Variants in CHD5 observed in about 807,000 individuals in gnomAD.
CHD5 encodes ATP-dependent chromatin remodeler CHD5.
In CHD5, 69 loss-of-function variants were observed where a neutral mutation model predicts 230.3. The observed-to-expected ratio is 0.30, with a 90% CI of 0.25 to 0.37. The LOEUF is 0.37. Ranked by LOEUF, CHD5 falls within the 10% of genes least tolerant of loss-of-function variation. The pLI is 1.00. For missense variants in CHD5, 1,827 were observed against 2,622.8 expected (o/e 0.70, Z 6.63); for synonymous variants, 1,064 against 1,065.9 (o/e 1.00, Z 0.03).
intron 31 of CHD5, among the ~76,000 whole-genome samples, chr1:6,122,214 G>T (rs1009053938): frequency 6.6e-6 from 1 of 152,180 alleles, no homozygotes; most frequent in Admixed American, 6.5e-5. Context: ...AGCTATGTCC[G>T]CCCCAGGCCT....
intron 5 of CHD5, among the ~76,000 whole-genome samples, chr1:6,153,081 G>A (rs1284074061): frequency 6.6e-6 from 1 of 152,214 alleles, no homozygotes; most frequent in Non-Finnish European, 1.5e-5. Context: ...GCTACCTGGG[G>A]AGTAATGACC....
intron 38 of CHD5, among the ~76,000 whole-genome samples, chr1:6,107,893 G>A (rs1233935949): frequency 1.5e-5 from 2 of 136,966 alleles, no homozygotes; most frequent in African/African-American, 2.7e-5. Flanking sequence ...GGGGTGGAAG[G>A]ATGGAGAGAT....
chr1:6,112,185 C>T lies in CHD5; in HGVS notation c.5095G>A (p.Gly1699Arg), dbSNP rs1227521432. ...DDEGKKEDKK[G>R]KFKFMFNIAD... ...ATGTTGAACATGAACTTGAATTTCCCCTTCTTGTCCTCCTTCTTCCCCTCG... is the reference window on the plus strand; with the variant it reads ...ATGTTGAACATGAACTTGAATTTCCTCTTCTTGTCCTCCTTCTTCCCCTCG... The change falls in exon 35 of 42, where the codon GGG (glycine) becomes AGG (arginine). Residue 1699 changes from glycine (G) to arginine (R), a missense_variant. Gly to Arg is a moderately radical substitution (Grantham distance 125, BLOSUM62 -2). Transcript: ENST00000262450. 1.2e-6 allele frequency: 2 copies of T among 1,614,088 alleles called. No homozygotes were observed. Among genetic ancestry groups the T allele is most frequent in the African/African-American group, 2.7e-5 (2 of 74,934 alleles).
rs1205380137 is a variant in CHD5, at chr1:6,146,148, G to A, written c.1802+64C>T. Reference sequence around the variant, plus strand: ...CACCCTGCGCTGCACCCATTTTACAGGGCAAAGAAGCTGACGTGGCCCGGC... The same window carrying A: ...CACCCTGCGCTGCACCCATTTTACAAGGCAAAGAAGCTGACGTGGCCCGGC... On this transcript the variant is annotated intron_variant, in intron 11 of 41. Transcript: ENST00000262450. The surrounding 1 kb of genome is among the most constrained non-coding windows in gnomAD (Gnocchi z 5.1). 15 of 1,535,276 alleles carry A rather than the reference G, an allele frequency of 9.8e-6. No individual in the cohort carries two copies. The highest frequency in any genetic ancestry group is 4.5e-5 in the East Asian group (2 of 44,516).
At chr1:6,109,547 C>T (rs1666251672) in intron 38 of CHD5, among the ~76,000 whole-genome samples, 1 of 152,202 alleles carries the variant, frequency 6.6e-6, no homozygotes, top group Non-Finnish European at 1.5e-5. Flanking sequence ...GTCACTAGCC[C>T]GGGCCGGGGC....
chr1:6,143,876 T>G lies in CHD5; in HGVS notation c.1990A>C (p.Lys664Gln). The change falls in exon 13 of 42, where the codon AAG (lysine) becomes CAG (glutamine). Residue 664 changes from lysine to glutamine, a missense_variant. Coordinates refer to ENST00000262450, the MANE Select transcript of CHD5 (RefSeq NM_015557.3). ...TCCTGCTTGTCGTCCCTCAGCTTCT[T>G]GCCCTTCTTGAGCAGCCTCTTGGGC... ...RLPKRLLKKG[K>Q]KLRDDKQEKP... The G allele has an allele frequency of 6.2e-7, 1 of 1,613,824 alleles. No homozygotes were observed. The highest frequency in any genetic ancestry group is 1.1e-5 in the South Asian group (1 of 91,056).
At position 6,125,191 on chromosome 1, in the gene CHD5, C is replaced by T. The variant is rs1449170317; in HGVS notation, c.4303G>A (p.Ala1435Thr). ...GGGGGCATGCCCCAGCGCATGATGG[C>T]GTTCAGAAAGGCCTTCCGCTGTCGG... ...NARQRKAFLN[A>T]IMRWGMPPQD... The change falls in exon 29 of 42, where the codon GCC becomes ACC. Residue 1435 changes from alanine to threonine, a missense_variant. Around this residue, in one of 14 missense-constraint regions of CHD5, gnomAD observed 108 missense variants for 152.4 expected, o/e 0.71. Coordinates refer to ENST00000262450, the MANE Select transcript of CHD5 (RefSeq NM_015557.3). This position sits in a 1 kb window ranked among gnomAD's most constrained non-coding sequence, Gnocchi z 6.7. 3 of 1,607,028 alleles carry T rather than the reference C, an allele frequency of 1.9e-6. No individual in the cohort carries two copies. Among genetic ancestry groups the T allele is most frequent in the Non-Finnish European group, 1.7e-6 (2 of 1,178,218 alleles).
chr1:6,109,835 G>A lies in CHD5; in HGVS notation c.5538C>T (p.Ser1846=). 1 of 1,612,870 alleles carries A rather than the reference G, an allele frequency of 6.2e-7. No homozygotes were observed. The highest frequency in any genetic ancestry group is 8.5e-7 in the Non-Finnish European group (1 of 1,179,762). ...AESHQHLSKE[S]LAGNKPANAV... ...CATTGGCAGGCTTGTTCCCAGCAAGGGACTCCTTGGACAGGTGCTGGTGGC... is the reference window on the plus strand; with the variant it reads ...CATTGGCAGGCTTGTTCCCAGCAAGAGACTCCTTGGACAGGTGCTGGTGGC... The change falls in exon 38 of 42, where the codon TCC becomes TCT. Residue 1846 remains serine (S), a synonymous_variant. Transcript: ENST00000262450.
intron 33 of CHD5, among the ~76,000 whole-genome samples, chr1:6,116,879 A>G (rs1339901395): frequency 6.6e-5 from 10 of 152,254 alleles, no homozygotes; most frequent in Non-Finnish European, 8.8e-5. Context: ...AGATCTAAAA[A>G]AGGATTAAAA....
chr1:6,163,139 C>T (rs116303497), intron 2 of CHD5, among the ~76,000 whole-genome samples: 1,931 of 152,332 alleles, frequency 0.013, 58 homozygotes, highest in African/African-American at 0.044. Flanking sequence ...GGCACAGACC[C>T]TCAGCACAGA....
chr1:6,131,450 A>G lies in CHD5; in HGVS notation c.3262+181T>C, dbSNP rs1361686096. ...ACAGGTGTTATCTACTGGGCCCCTC[A>G]GAACTCCGATTCCATGGGAGGAATC... is the stretch of plus-strand genomic sequence containing the variant. On this transcript the variant is annotated intron_variant, in intron 21 of 41. Transcript: ENST00000262450. This position sits in a 1 kb window ranked among gnomAD's most constrained non-coding sequence, Gnocchi z 5.0. Among the ~76,000 whole-genome samples, 1 of 152,212 alleles carries G rather than the reference A, an allele frequency of 6.6e-6. No individual in the cohort carries two copies. Among genetic ancestry groups the G allele is most frequent in the Non-Finnish European group, 1.5e-5 (1 of 68,034 alleles).
Position 6,143,814 on chromosome 1 carries a change from C to G in CHD5, c.2043+9G>C. ...CCCCACCCACTGCTGCCCCACCCTCCCCACTCACGTCCACAATGGGCGTGT... is the reference window on the plus strand; with the variant it reads ...CCCCACCCACTGCTGCCCCACCCTCGCCACTCACGTCCACAATGGGCGTGT... On this transcript the variant is annotated intron_variant, in intron 13 of 41. Transcript: ENST00000262450. The G allele has an allele frequency of 6.2e-7, 1 of 1,608,952 alleles. No homozygotes were observed. The highest frequency in any genetic ancestry group is 8.5e-7 in the Non-Finnish European group (1 of 1,178,570).
rs1666909377 is a variant in CHD5, at chr1:6,146,274, C to T, written c.1740G>A (p.Glu580=). 3 of 1,614,104 alleles carry T rather than the reference C, an allele frequency of 1.9e-6. No homozygotes were observed. Among genetic ancestry groups the T allele is most frequent in the Non-Finnish European group, 2.5e-6 (3 of 1,180,034 alleles). The change falls in exon 11 of 42, where the codon GAG becomes GAA. Residue 580 remains glutamate (E), a synonymous_variant. Transcript: ENST00000262450. The surrounding 1 kb of genome is among the most constrained non-coding windows in gnomAD (Gnocchi z 5.1). ...GCTTGATGCCATAGCGGTAGAAGCG[C>T]TCCTCCATCTTGGCATAGAGGGGGT... ...NKDPLYAKME[E]RFYRYGIKPE...
chr1:6,132,069 C>T (rs962198597), intron 20 of CHD5, among the ~76,000 whole-genome samples: 1 of 151,702 alleles, frequency 6.6e-6, no homozygotes, highest in Non-Finnish European at 1.5e-5. Context: ...GACGAGTGCT[C>T]CTTCACAGCC....
intron 1 of CHD5, among the ~76,000 whole-genome samples, chr1:6,179,084 T>C (rs1045175555): frequency 6.6e-6 from 1 of 152,170 alleles, no homozygotes; most frequent in African/African-American, 2.4e-5. Context: ...AGCAGTTAAC[T>C]AAAGAACTGT....
At chr1:6,133,799 C>T (rs1272019984) in intron 20 of CHD5, among the ~76,000 whole-genome samples, 12 of 152,266 alleles carry the variant, frequency 7.9e-5, no homozygotes, top group Admixed American at 7.8e-4. Flanking sequence ...CTCCTCCCAA[C>T]CACACCCCAG....
intron 1 of CHD5, among the ~76,000 whole-genome samples, chr1:6,170,863 G>C (rs1414895338): frequency 6.6e-6 from 1 of 152,214 alleles, no homozygotes; most frequent in Non-Finnish European, 1.5e-5. Flanking sequence ...CTGGCGGGGA[G>C]CTGTCTGTGG....
At chr1:6,153,450 G>T (rs940717879) in intron 5 of CHD5, among the ~76,000 whole-genome samples, 2 of 152,332 alleles carry the variant, frequency 1.3e-5, no homozygotes, top group African/African-American at 4.8e-5. Flanking sequence ...ACTTGGCATG[G>T]TGATGCCAGA....
Position 6,125,276 on chromosome 1 carries a change from G to T in CHD5, c.4261-43C>A. 6.5e-7 allele frequency: 1 copy of T among 1,549,974 alleles called. No homozygotes were observed. The highest frequency in any genetic ancestry group is 1.2e-5 in the South Asian group (1 of 86,560). On this transcript the variant is annotated intron_variant, in intron 28 of 41. Transcript: ENST00000262450. This position sits in a 1 kb window ranked among gnomAD's most constrained non-coding sequence, Gnocchi z 6.7. ...GGGAGTATGAGCCCAGGACAGAGAG[G>T]GGTGGGGGTGGAGGATTCTGGGATG...
Sources: allele counts gnomAD v4.1 joint callset (sites outside exome capture counted in the v4.1 genomes callset), GRCh38; gene constraint gnomAD v4.1.1; regional missense constraint gnomAD v4.1.1; non-coding constraint Gnocchi (gnomAD v3.1); transcripts MANE v1.5; gene names NCBI Gene and HGNC (gene_info 2026-07-23, HGNC 2026-07-21).